ZNF134: variants seen among roughly 807,000 people sequenced by gnomAD.
ZNF134 encodes zinc finger protein 134.
A neutral mutation model predicts 2.5 loss-of-function variants in ZNF134; 5 were observed. The ratio of observed to expected loss-of-function variants is 2.03; its 90% confidence interval spans 1.06 to 4.27. ZNF134 has a LOEUF of 4.27. Among genes scored for constraint, ZNF134 ranks in the 30% most tolerant of loss-of-function variants. The probability of loss-of-function intolerance (pLI) is 0.00; values close to 1 mark genes in which losing one functional copy is unlikely to be tolerated. For missense variants in ZNF134, 540 were observed against 517.5 expected (o/e 1.04, Z -0.42); for synonymous variants, 176 against 176.2 (o/e 1.00, Z 0.01).
In ZNF134 at chr19:57,621,484, A is replaced by G; in HGVS notation, c.*81A>G. The G allele has an allele frequency of 1.3e-6, 2 of 1,593,766 alleles. No individual in the cohort carries two copies. The highest frequency in any genetic ancestry group is 1.7e-6 in the Non-Finnish European group (2 of 1,172,842). ...AACATTGACACAAAGGAGATACCTT[A>G]TGGTGCCAGGTACGTGGGAACCTTC... On this transcript the variant is annotated 3_prime_UTR_variant, in exon 3 of 3. Coordinates refer to ENST00000396161, the MANE Select transcript of ZNF134 (RefSeq NM_003435.5).
Position 57,621,712 on chromosome 19 carries a change from A to G in ZNF134, c.*309A>G, listed in dbSNP as rs576600180. 5.2e-5 allele frequency: 25 copies of G among 480,612 alleles called. No individual in the cohort carries two copies. The highest frequency in any genetic ancestry group is 8.1e-5 in the Non-Finnish European group (21 of 257,970). The allele number at this position is 480,612 out of a possible 1,614,324, so 29.8% of individuals were successfully genotyped here. On this transcript the variant is annotated 3_prime_UTR_variant, in exon 3 of 3. Coordinates refer to ENST00000396161, the MANE Select transcript of ZNF134 (RefSeq NM_003435.5). ...GGGTCCTCATTCCCTTCTGTATGAC[A>G]GGTATAGGTATGGATATGACCCATT...
chr19:57,618,240 A>G (rs1981105117), intron 1 of ZNF134, among the ~76,000 whole-genome samples: 2 of 152,302 alleles, frequency 1.3e-5, no homozygotes, highest in South Asian at 4.1e-4. Flanking sequence ...GGAAGATTTA[A>G]TAGGTGGATT....
Position 57,621,581 on chromosome 19 carries a change from C to A in ZNF134, c.*178C>A. 1.0e-6 allele frequency: 1 copy of A among 960,758 alleles called. No individual in the cohort carries two copies. The highest frequency in any genetic ancestry group is 1.7e-6 in the Non-Finnish European group (1 of 598,742). The allele number at this position is 960,758 out of a possible 1,614,324, so 59.5% of individuals were successfully genotyped here. A position where few individuals can be genotyped will look rare whatever the true frequency, so the allele number is the denominator to read the frequency against. ...TTATGTCACTGTCAATCCATGTGGC[C>A]GAAACCATCTTAACTCTACCAGCTA... On this transcript the variant is annotated 3_prime_UTR_variant, in exon 3 of 3. Coordinates refer to ENST00000396161, the MANE Select transcript of ZNF134 (RefSeq NM_003435.5).
intron 1 of ZNF134, among the ~76,000 whole-genome samples, chr19:57,618,565 C>T (rs1981113916): frequency 6.6e-6 from 1 of 152,184 alleles, no homozygotes; most frequent in African/African-American, 2.4e-5. Flanking sequence ...TTGGGTCCTA[C>T]ATACCAGGCC....
chr19:57,617,887 T>A (rs1405284399), intron 1 of ZNF134, among the ~76,000 whole-genome samples: 1 of 151,996 alleles, frequency 6.6e-6, no homozygotes, highest in African/African-American at 2.4e-5. Context: ...AGAGTGGATG[T>A]GAGGTGAAGT....
intron 2 of ZNF134, 95 bp downstream of exon 2, chr19:57,619,603 G>A: frequency 7.4e-7 from 1 of 1,348,952 alleles, no homozygotes; most frequent in Non-Finnish European, 1.0e-6. Flanking sequence ...AAGGCCAGAG[G>A]CCCTAACTTA....
chr19:57,617,710 TAG>T (rs984363280), intron 1 of ZNF134, among the ~76,000 whole-genome samples: 1 of 152,116 alleles, frequency 6.6e-6, no homozygotes, highest in African/African-American at 2.4e-5. Flanking sequence ...GCTTCCAATT[TAG>T]AGAGAGAATC....
In ZNF134 at chr19:57,623,486, CTG is replaced by C. The variant is rs1750192760; in HGVS notation, c.*2086_*2087del. The C allele has an allele frequency of 6.6e-6, 1 of 151,846 alleles. No individual in the cohort carries two copies. Among genetic ancestry groups the C allele is most frequent in the South Asian group, 2.1e-4 (1 of 4,824 alleles). The allele number at this position is 151,846 out of a possible 1,614,324, so 9.4% of individuals were successfully genotyped here. On this transcript the variant is annotated 3_prime_UTR_variant, in exon 3 of 3. Transcript: ENST00000396161. ...GAAAAGAGATACATACAGGGAAGAA[CTG>C]TGAAACAGAAAAGACCTAAGATTTG...
Position 57,620,418 on chromosome 19 carries a change from A to G in ZNF134, c.299A>G (p.Tyr100Cys). 6.2e-7 allele frequency: 1 copy of G among 1,614,244 alleles called. No individual in the cohort carries two copies. The highest frequency in any genetic ancestry group is 8.5e-7 in the Non-Finnish European group (1 of 1,180,042). Residue 100 changes from tyrosine (Y) to cysteine (C), a missense_variant, in exon 3 of 3, where the codon TAC becomes TGC. Physicochemically the swap from Tyr to Cys is radical, Grantham distance 194. Transcript: ENST00000396161. ...SANLHQYQKC[Y>C]SIEQPLRRDK... is the part of the protein sequence containing the mutation. ...AACCTTCATCAGTACCAGAAGTGTT[A>G]CAGTATAGAGCAACCCTTAAGAAGG...
intron 1 of ZNF134, among the ~76,000 whole-genome samples, chr19:57,615,225 G>A (rs751298205): frequency 2.0e-5 from 3 of 152,076 alleles, no homozygotes; most frequent in Non-Finnish European, 2.9e-5. Flanking sequence ...GGTTCATCAC[G>A]GGTAGCTGAA....
At chr19:57,619,160 T>C (rs1981127804) in intron 1 of ZNF134, among the ~76,000 whole-genome samples, 1 of 152,104 alleles carries the variant, frequency 6.6e-6, no homozygotes, top group Non-Finnish European at 1.5e-5. Flanking sequence ...GCCAGGTGAC[T>C]GTCCACACTC....
Position 57,621,064 on chromosome 19 carries a change from T to G in ZNF134, c.945T>G (p.Pro315=). 2 of 1,614,154 alleles carry G rather than the reference T, an allele frequency of 1.2e-6. No homozygotes were observed. Among genetic ancestry groups the G allele is most frequent in the Non-Finnish European group, 1.7e-6 (2 of 1,180,026 alleles). Residue 315 remains proline (P), a synonymous_variant, in exon 3 of 3, where the codon CCT becomes CCG. Transcript: ENST00000396161. ...AGAGTATTCACACTGGAGAAAATCCTTATGATTGCAGTGATTGTGGGAAAT... is the reference window on the plus strand; with the variant it reads ...AGAGTATTCACACTGGAGAAAATCCGTATGATTGCAGTGATTGTGGGAAAT... ...QHESIHTGEN[P]YDCSDCGKSF... is the part of the protein sequence containing the mutation.
At position 57,614,447 on chromosome 19, in the gene ZNF134, G is replaced by C. The variant is rs1246216289; in HGVS notation, c.-114G>C. 1 of 440,014 alleles carries C rather than the reference G, an allele frequency of 2.3e-6. No homozygotes were observed. Among genetic ancestry groups the C allele is most frequent in the Non-Finnish European group, 4.6e-6 (1 of 219,106 alleles). The allele number at this position is 440,014 out of a possible 1,614,324, so 27.3% of individuals were successfully genotyped here. ...TCCCGCGACCTGGGACCCCCTCGCG[G>C]CTCCGGGTGGTCTACGAACTGTGAT... On this transcript the variant is annotated 5_prime_UTR_variant, in exon 1 of 3. Coordinates refer to ENST00000396161, the MANE Select transcript of ZNF134 (RefSeq NM_003435.5).
chr19:57,622,964 C>G lies in ZNF134; in HGVS notation c.*1561C>G, dbSNP rs1223462141. On this transcript the variant is annotated 3_prime_UTR_variant, in exon 3 of 3. Coordinates refer to ENST00000396161, the MANE Select transcript of ZNF134 (RefSeq NM_003435.5). ...TGTACGAGTTAAGTCTTGATACACA[C>G]ACACACACACACACACACACACACA... 4.8e-5 allele frequency: 4 copies of G among 83,590 alleles called. No homozygotes were observed. Among genetic ancestry groups the G allele is most frequent in the Non-Finnish European group, 6.7e-5 (3 of 44,474 alleles). 5.2% of individuals were successfully genotyped at this position (83,590 alleles called of 1,614,324 possible).
rs1329446720 is a variant in ZNF134 at position 57,624,646 on chromosome 19, C to G, written c.*3243C>G. The G allele has an allele frequency of 6.6e-6, 1 of 152,240 alleles. No individual in the cohort carries two copies. Among genetic ancestry groups the G allele is most frequent in the Non-Finnish European group, 1.5e-5 (1 of 68,064 alleles). 9.4% of individuals were successfully genotyped at this position (152,240 alleles called of 1,614,324 possible). On this transcript the variant is annotated 3_prime_UTR_variant, in exon 3 of 3. Coordinates refer to ENST00000396161, the MANE Select transcript of ZNF134 (RefSeq NM_003435.5). ...GAAACCCAAACTTTGTTTTGCATGA[C>G]TTGCTCTCAGGGGCACTCCCACACT...
chr19:57,618,527 C>T (rs151335574), intron 1 of ZNF134, among the ~76,000 whole-genome samples: 1 of 152,200 alleles, frequency 6.6e-6, no homozygotes, highest in African/African-American at 2.4e-5. Flanking sequence ...TCTGTTGATC[C>T]CCAGGGAGCT....
At position 57,621,579 on chromosome 19, in the gene ZNF134, G is replaced by A. The variant is rs867854944; in HGVS notation, c.*176G>A. 1 of 977,712 alleles carries A rather than the reference G, an allele frequency of 1.0e-6. No individual in the cohort carries two copies. Among genetic ancestry groups the A allele is most frequent in the Non-Finnish European group, 1.6e-6 (1 of 614,078 alleles). The allele number at this position is 977,712 out of a possible 1,614,324, so 60.6% of individuals were successfully genotyped here. A position where few individuals can be genotyped will look rare whatever the true frequency, so the allele number is the denominator to read the frequency against. ...AGTTATGTCACTGTCAATCCATGTG[G>A]CCGAAACCATCTTAACTCTACCAGC... is the stretch of plus-strand genomic sequence containing the variant. On this transcript the variant is annotated 3_prime_UTR_variant, in exon 3 of 3. Coordinates refer to ENST00000396161, the MANE Select transcript of ZNF134 (RefSeq NM_003435.5).
chr19:57,623,445 A>G lies in ZNF134; in HGVS notation c.*2042A>G, dbSNP rs1451960642. 6.6e-6 allele frequency: 1 copy of G among 152,220 alleles called. No individual in the cohort carries two copies. Among genetic ancestry groups the G allele is most frequent in the Admixed American group, 6.5e-5 (1 of 15,288 alleles). 9.4% of individuals were successfully genotyped at this position (152,220 alleles called of 1,614,324 possible). On this transcript the variant is annotated 3_prime_UTR_variant, in exon 3 of 3. Transcript: ENST00000396161. ...GGTGTGACCATATATCTTACTAATT[A>G]TAGTAAAATATATTGGAAAAGAGAT...
At position 57,623,827 on chromosome 19, in the gene ZNF134, A is replaced by G. The variant is rs527462431; in HGVS notation, c.*2424A>G. ...TCCCTAGGAGGAATAATCTGCATAA[A>G]CCTCTTTTCTAATGTTGTGAATTTC... On this transcript the variant is annotated 3_prime_UTR_variant, in exon 3 of 3. Transcript: ENST00000396161. 6.6e-6 allele frequency: 1 copy of G among 152,164 alleles called. No homozygotes were observed. Among genetic ancestry groups the G allele is most frequent in the Non-Finnish European group, 1.5e-5 (1 of 68,026 alleles). 9.4% of individuals were successfully genotyped at this position (152,164 alleles called of 1,614,324 possible).
Sources: allele counts gnomAD v4.1 joint callset (sites outside exome capture counted in the v4.1 genomes callset), GRCh38; gene constraint gnomAD v4.1.1; transcripts MANE v1.5; gene names NCBI Gene and HGNC (gene_info 2026-07-23, HGNC 2026-07-21).